Variants in ETFA observed in about 807,000 individuals in gnomAD.
ETFA encodes the protein electron transfer flavoprotein subunit alpha.
ETFA carries 22 observed loss-of-function variants against 46.2 expected under a neutral mutation model. The observed-to-expected ratio is 0.48, with a 90% CI of 0.34 to 0.68. The LOEUF (loss-of-function observed/expected upper bound fraction) is 0.68, where lower values mean the gene tolerates loss of function less well. Among genes scored for constraint, ETFA ranks in the 30% least tolerant of loss-of-function variants. ETFA has a pLI of 0.01. For synonymous variants in ETFA, 131 were observed against 139.9 expected (o/e 0.94, Z 0.45); for missense variants, 345 against 401.1 (o/e 0.86, Z 1.19).
At chr15:76,272,308 C>T (rs902214589) in intron 9 of ETFA, among the ~76,000 whole-genome samples, 1 of 151,726 alleles carries the variant, frequency 6.6e-6, no homozygotes, top group Admixed American at 6.6e-5. Context: ...GCAACCTCCG[C>T]CTCCTGGGTT....
At chr15:76,243,131 A>G (rs2039208316) in intron 9 of ETFA, among the ~76,000 whole-genome samples, 1 of 152,178 alleles carries the variant, frequency 6.6e-6, no homozygotes, top group African/African-American at 2.4e-5. Flanking sequence ...CACTGTTTCT[A>G]TGAAAATTCA....
intron 10 of ETFA, chr15:76,227,863 A>T: frequency 2.2e-6 from 1 of 456,088 alleles, no homozygotes; most frequent in Non-Finnish European, 4.4e-6. Context: ...AGATGCCAGA[A>T]TGTCTAAGAT....
At chr15:76,254,809 C>A (rs1013249730) in intron 9 of ETFA, among the ~76,000 whole-genome samples, 6 of 152,092 alleles carry the variant, frequency 3.9e-5, no homozygotes, top group Non-Finnish European at 7.4e-5. Context: ...TAGGGATTAA[C>A]TTAGTTTGTT....
chr15:76,288,009 G>A, intron 4 of ETFA, 64 bp from the exon 5 acceptor site: 2 of 1,009,040 alleles, frequency 2.0e-6, no homozygotes, highest in Middle Eastern at 4.1e-4. Flanking sequence ...TAAATGATCA[G>A]TAATGACATA....
At chr15:76,304,841 G>A (rs1023529698) in intron 1 of ETFA, among the ~76,000 whole-genome samples, 3 of 151,938 alleles carry the variant, frequency 2.0e-5, no homozygotes, top group Non-Finnish European at 2.9e-5. Context: ...TCAGGAGAGC[G>A]AGACCATCCT....
At chr15:76,303,401 C>T (rs932603307) in intron 1 of ETFA, among the ~76,000 whole-genome samples, 1 of 152,038 alleles carries the variant, frequency 6.6e-6, no homozygotes, top group African/African-American at 2.4e-5. Flanking sequence ...TGAACATAGA[C>T]CCTGGCAAAG....
In ETFA at chr15:76,237,480, A is replaced by G. The variant is rs73453309; in HGVS notation, c.817-6082T>C. ...GTAAAAGAAACTACTACATTATTCA[A>G]TCATTACAGTTAAATAAATAAGAGC... On this transcript the variant is annotated intron_variant, in intron 9 of 11. Coordinates refer to ENST00000557943, the MANE Select transcript of ETFA (RefSeq NM_000126.4). Among the ~76,000 whole-genome samples, 710 of 152,340 alleles carry G rather than the reference A, an allele frequency of 4.7e-3. 6 individuals are homozygous for G. Among genetic ancestry groups the G allele is most frequent in the African/African-American group, 0.016 (674 of 41,560 alleles).
At chr15:76,239,786 T>TAAAAA (rs200710641) in intron 9 of ETFA, among the ~76,000 whole-genome samples, 3 of 133,302 alleles carry the variant, frequency 2.3e-5, no homozygotes, top group Admixed American at 7.5e-5. Flanking sequence ...TTGTACATAT[T>TAAAAA]AAAAAAAAAA....
chr15:76,217,203 G>A (rs2038905420), intron 11 of ETFA, among the ~76,000 whole-genome samples: 1 of 152,104 alleles, frequency 6.6e-6, no homozygotes, highest in Non-Finnish European at 1.5e-5. Flanking sequence ...TGGGTGAAGA[G>A]TACTGTGTAT....
chr15:76,221,094 A>G (rs144708575), intron 11 of ETFA, among the ~76,000 whole-genome samples: 11 of 152,384 alleles, frequency 7.2e-5, no homozygotes, highest in African/African-American at 1.7e-4. Context: ...ATCAAATGAT[A>G]AATGAATGAA....
chr15:76,310,958 T>G (rs1218452779), intron 1 of ETFA, among the ~76,000 whole-genome samples: 2 of 150,496 alleles, frequency 1.3e-5, no homozygotes, highest in Non-Finnish European at 3.0e-5. Flanking sequence ...GGTTTGAAAC[T>G]TTCCCCAACA....
intron 9 of ETFA, among the ~76,000 whole-genome samples, chr15:76,240,071 T>C (rs2039169912): frequency 6.6e-6 from 1 of 152,228 alleles, no homozygotes; most frequent in African/African-American, 2.4e-5. Flanking sequence ...ATGATGTTTC[T>C]TTCTTTTAAT....
chr15:76,291,245 CCA>C (rs2039758383), intron 4 of ETFA, among the ~76,000 whole-genome samples: 9 of 151,960 alleles, frequency 5.9e-5, no homozygotes, highest in Admixed American at 3.3e-4. Context: ...GAGTTCGAGA[CCA>C]GCCTGGTCAA....
intron 5 of ETFA, among the ~76,000 whole-genome samples, chr15:76,287,211 T>TG (rs888838551): frequency 1.3e-5 from 2 of 152,246 alleles, no homozygotes; most frequent in African/African-American, 4.8e-5. Context: ...TTGCCCAGGC[T>TG]GGAGTGCTGT....
intron 9 of ETFA, among the ~76,000 whole-genome samples, chr15:76,243,593 G>GT (rs1377894238): frequency 6.6e-6 from 1 of 152,042 alleles, no homozygotes; most frequent in Non-Finnish European, 1.5e-5. Flanking sequence ...GAGGTCAGGA[G>GT]TTTGAGACCA....
rs557963678 is a variant in ETFA, at chr15:76,297,960, C to G, written c.40-2223G>C. On this transcript the variant is annotated intron_variant, in intron 1 of 11. Coordinates refer to ENST00000557943, the MANE Select transcript of ETFA (RefSeq NM_000126.4). Reference sequence around the variant, plus strand: ...AATAGCGGTTGTGTAGAACCTAGAGCAGAAGAAATTGGCCTGAACTTTTAA... The same window carrying G: ...AATAGCGGTTGTGTAGAACCTAGAGGAGAAGAAATTGGCCTGAACTTTTAA... 3.3e-5 allele frequency among the ~76,000 whole-genome samples: 5 copies of G among 152,110 alleles called. No homozygotes were observed. The South Asian group carries it at 8.3e-4, about 25-fold the overall frequency.
At chr15:76,285,554 T>C in intron 7 of ETFA, 83 bp downstream of exon 7, 2 of 793,004 alleles carry the variant, frequency 2.5e-6, no homozygotes, top group Non-Finnish European at 4.4e-6. Context: ...AAGATCTGTG[T>C]ACTTCTAAAA....
In ETFA at chr15:76,256,673, G is replaced by A. The variant is rs1450482784; in HGVS notation, c.816+17739C>T. On this transcript the variant is annotated intron_variant, in intron 9 of 11. Transcript: ENST00000557943. ...AAGATTCTTCTAACAAGATGAACAA[G>A]ATGAGTGATGCACCACATAACAACA... is the stretch of plus-strand genomic sequence containing the variant. 3.3e-5 allele frequency among the ~76,000 whole-genome samples: 5 copies of A among 152,334 alleles called. No homozygotes were observed. The South Asian group carries it at 6.2e-4, about 19-fold the overall frequency.
chr15:76,279,237 T>C (rs766720062), intron 8 of ETFA, among the ~76,000 whole-genome samples: 4 of 152,218 alleles, frequency 2.6e-5, no homozygotes, highest in Non-Finnish European at 5.9e-5. Context: ...AAGAGCATTA[T>C]CATACAGTGA....
Sources: allele counts gnomAD v4.1 joint callset (sites outside exome capture counted in the v4.1 genomes callset), GRCh38; gene constraint gnomAD v4.1.1; transcripts MANE v1.5; gene names NCBI Gene and HGNC (gene_info 2026-07-23, HGNC 2026-07-21).